SAAL1: variants seen among roughly 807,000 people sequenced by gnomAD.
The protein encoded by SAAL1 is serum amyloid A like 1.
A neutral mutation model predicts 59.8 loss-of-function variants in SAAL1; 42 were observed. The observed-to-expected ratio is 0.70, with a 90% confidence interval of 0.55 to 0.91. The LOEUF (loss-of-function observed/expected upper bound fraction) is 0.91. SAAL1 is among the 40% of genes least tolerant of loss of function. The probability of loss-of-function intolerance (pLI) is 0.00; values close to 1 mark genes in which losing one functional copy is unlikely to be tolerated. For missense variants in SAAL1, 542 were observed against 561.1 expected (o/e 0.97, Z 0.34); for synonymous variants, 191 against 194.3 (o/e 0.98, Z 0.14).
chr11:18,087,120 T>G (rs1299154354), intron 8 of SAAL1, 23 bp downstream of exon 8: 2 of 1,601,562 alleles, frequency 1.2e-6, no homozygotes, highest in Non-Finnish European at 8.6e-7. Context: ...GTAACTGTAG[T>G]GCATCCCGAT....
intron 4 of SAAL1, 93 bp downstream of exon 4, chr11:18,092,152 G>C: frequency 1.5e-6 from 1 of 660,542 alleles, no homozygotes; most frequent in East Asian, 2.8e-5. Flanking sequence ...AGAAAGGACT[G>C]TCTTTCAGAT....
At chr11:18,087,946 GT>G (rs1321072295) in intron 7 of SAAL1, among the ~76,000 whole-genome samples, 1 of 152,162 alleles carries the variant, frequency 6.6e-6, no homozygotes, top group East Asian at 1.9e-4. Context: ...CAATAAAGTG[GT>G]ACTAATGTAG....
intron 2 of SAAL1, among the ~76,000 whole-genome samples, chr11:18,101,513 C>T (rs959445563): frequency 6.6e-6 from 1 of 152,146 alleles, no homozygotes; most frequent in Non-Finnish European, 1.5e-5. Flanking sequence ...TGCCTGCTTC[C>T]CCTTCCCCTT....
chr11:18,097,729 C>T (rs547061104), intron 2 of SAAL1, among the ~76,000 whole-genome samples: 39 of 151,714 alleles, frequency 2.6e-4, no homozygotes, highest in Middle Eastern at 3.4e-3. Context: ...GTCCCAGCTA[C>T]TTGGGAGGTT....
At chr11:18,086,455 T>C (rs1037410898) in intron 9 of SAAL1, among the ~76,000 whole-genome samples, 16 of 152,014 alleles carry the variant, frequency 1.1e-4, no homozygotes, top group Non-Finnish European at 1.3e-4. Context: ...TCCCAGCACT[T>C]TGGGAGGCCG....
chr11:18,096,250 T>C (rs556002234), intron 3 of SAAL1, among the ~76,000 whole-genome samples: 94 of 152,082 alleles, frequency 6.2e-4, no homozygotes, highest in African/African-American at 2.2e-3. Flanking sequence ...TTCTATGATT[T>C]TCATAATTTT....
intron 1 of SAAL1, 86 bp from the exon 2 acceptor site, chr11:18,103,432 C>G: frequency 9.9e-7 from 1 of 1,012,676 alleles, no homozygotes; most frequent in East Asian, 2.4e-5. Flanking sequence ...GATCAAATAA[C>G]ATTTCCTCGT....
At chr11:18,102,982 T>C (rs1277077991) in intron 2 of SAAL1, among the ~76,000 whole-genome samples, 1 of 152,326 alleles carries the variant, frequency 6.6e-6, no homozygotes, top group Middle Eastern at 3.4e-3. Flanking sequence ...CCGGCCTACA[T>C]GTGTATAGGA....
intron 3 of SAAL1, among the ~76,000 whole-genome samples, chr11:18,095,764 A>T (rs1483798487): frequency 1.3e-5 from 2 of 152,252 alleles, no homozygotes; most frequent in African/African-American, 2.4e-5. Flanking sequence ...CAGTATATAA[A>T]GGCCTCTCCT....
chr11:18,096,961 C>T (rs4757612), intron 2 of SAAL1, 107 bp from the exon 3 acceptor site: 35,593 of 663,718 alleles, frequency 0.054, 1,126 homozygotes, highest in Middle Eastern at 0.11. Context: ...TTACGCCAGG[C>T]GCAGTGGCTG....
intron 5 of SAAL1, 54 bp downstream of exon 5, chr11:18,090,380 T>G: frequency 6.4e-7 from 1 of 1,571,220 alleles, no homozygotes; most frequent in Non-Finnish European, 8.6e-7. Context: ...TAACTTTTTT[T>G]TCTTATCTAC....
At chr11:18,093,326 G>C (rs780763413) in intron 3 of SAAL1, among the ~76,000 whole-genome samples, 7 of 152,140 alleles carry the variant, frequency 4.6e-5, no homozygotes, top group Non-Finnish European at 1.0e-4. Flanking sequence ...AAACAAAAAT[G>C]TATGCTGAGG....
In SAAL1 at chr11:18,086,888, T is replaced by A. The variant is rs1848469469; in HGVS notation, c.1020A>T (p.Gln340His). ...LSAIYASQTE[Q>H]EYLKIEKVDL... is the part of the protein sequence containing the mutation. ...TGCCTTTTTCTATCTTTAGATACTCTTGCTCAGTCTGTGAGGCATAGATGG... is the reference window on the plus strand; with the variant it reads ...TGCCTTTTTCTATCTTTAGATACTCATGCTCAGTCTGTGAGGCATAGATGG... Residue 340 changes from glutamine to histidine, a missense_variant, in exon 9 of 12, where the codon CAA becomes CAT. By Grantham distance (24) the Gln-to-His change is conservative. Coordinates refer to ENST00000524803, the MANE Select transcript of SAAL1 (RefSeq NM_138421.3). 2 of 1,611,470 alleles carry A rather than the reference T, an allele frequency of 1.2e-6. No individual in the cohort carries two copies. The highest frequency in any genetic ancestry group is 1.7e-6 in the Non-Finnish European group (2 of 1,178,554).
Position 18,090,242 on chromosome 11 carries a change from A to G in SAAL1, c.522T>C (p.Val174=), listed in dbSNP as rs1268493276. The stretch of plus-strand genomic sequence containing the variant: ...TAGCTGGATGTTCCTGGATCCTTTC[A>G]ACCCAAACACTGGCCACTTCTGCCT... ...LSQAEVASVW[V]ERIQEHPAIY... is the part of the protein sequence containing the mutation. Residue 174 remains valine, a synonymous_variant, in exon 6 of 12, where the codon GTT becomes GTC. Transcript: ENST00000524803. 6.2e-7 allele frequency: 1 copy of G among 1,610,964 alleles called. No homozygotes were observed. The highest frequency in any genetic ancestry group is 2.2e-5 in the East Asian group (1 of 44,860).
chr11:18,098,729 T>G (rs764135042), intron 2 of SAAL1, among the ~76,000 whole-genome samples: 1 of 152,222 alleles, frequency 6.6e-6, no homozygotes, highest in Non-Finnish European at 1.5e-5. Context: ...CACTCTAAAC[T>G]GAAAGTCATA....
At chr11:18,081,826 T>C in intron 10 of SAAL1, 1 of 226,634 alleles carries the variant, frequency 4.4e-6, no homozygotes, top group East Asian at 8.8e-5. Flanking sequence ...CTTACCCCCA[T>C]CCCTCCTCTC....
chr11:18,096,663 T>C, intron 3 of SAAL1, 108 bp downstream of exon 3: 2 of 694,388 alleles, frequency 2.9e-6, no homozygotes, highest in Non-Finnish European at 5.2e-6. Context: ...GGCTGATTTG[T>C]TGATTTATGG....
chr11:18,095,065 T>C (rs1255361496), intron 3 of SAAL1, among the ~76,000 whole-genome samples: 1 of 152,120 alleles, frequency 6.6e-6, no homozygotes, highest in East Asian at 1.9e-4. Context: ...CCTGGGAACA[T>C]ATTAGGAATC....
intron 1 of SAAL1, among the ~76,000 whole-genome samples, chr11:18,104,199 TAC>T (rs780390228): frequency 3.9e-5 from 6 of 152,224 alleles, no homozygotes; most frequent in East Asian, 1.9e-4. Flanking sequence ...TAATTTTGCT[TAC>T]AGTCACAATT....
Sources: gnomAD v4.1 joint callset for allele counts (sites outside exome capture counted in the v4.1 genomes callset) on GRCh38, gnomAD v4.1.1 for gene constraint, MANE v1.5 for transcripts, NCBI Gene and HGNC (gene_info 2026-07-23, HGNC 2026-07-21) for gene names.